The following MAX variants were observed in gnomAD, a reference collection of about 807,000 sequenced individuals.
MAX encodes the protein protein max.
In MAX, 3 loss-of-function variants were observed where a neutral mutation model predicts 22.3. That is an observed-to-expected ratio of 0.13 (90% CI 0.06 to 0.35). The LOEUF is 0.35. MAX is among the 10% of genes least tolerant of loss of function. The pLI, the probability that MAX is intolerant of heterozygous loss-of-function variation, is 1.00. For missense variants in MAX, 119 were observed against 209.4 expected (o/e 0.57, Z 2.66); for synonymous variants, 72 against 77.7 (o/e 0.93, Z 0.39).
Position 65,089,769 on chromosome 14 carries a change from A to T in MAX, c.171+3939T>A, listed in dbSNP as rs1202480834. The T allele has an allele frequency of 3.6e-4, 15 of 41,148 alleles. 1 individual carries two copies. Among genetic ancestry groups the T allele is most frequent in the African/African-American group, 2.2e-3 (15 of 6,738 alleles). 2.5% of individuals were successfully genotyped at this position (41,148 alleles called of 1,614,324 possible). ...GTAGCATCTCTGTAAAAAAAAAAAAAAAAAAAAAAAAAAAAAAAAAAAAAA... is the reference window on the plus strand; with the variant it reads ...GTAGCATCTCTGTAAAAAAAAAAAATAAAAAAAAAAAAAAAAAAAAAAAAA... On this transcript the variant is annotated intron_variant, in intron 3 of 4. Transcript: ENST00000358664.
Position 65,088,406 on chromosome 14 carries a change from T to C in MAX, c.171+5302A>G, listed in dbSNP as rs953050348. On this transcript the variant is annotated intron_variant, in intron 3 of 4. Coordinates refer to ENST00000358664, the MANE Select transcript of MAX (RefSeq NM_002382.5). The surrounding 1 kb of genome is among the most constrained non-coding windows in gnomAD (Gnocchi z 5.2). ...AGCCTAAGGGAGACTTGGGCAACTATGGGCAACAATTTAAGATGTAGAAAC... is the reference window on the plus strand; with the variant it reads ...AGCCTAAGGGAGACTTGGGCAACTACGGGCAACAATTTAAGATGTAGAAAC... Among the ~76,000 whole-genome samples the C allele has an allele frequency of 3.3e-5, 5 of 152,194 alleles. No homozygotes were observed. The highest frequency in any genetic ancestry group is 7.3e-5 in the Non-Finnish European group (5 of 68,028).
chr14:65,058,666 T>C (rs2062795878), intron 3 of MAX, among the ~76,000 whole-genome samples: 1 of 152,242 alleles, frequency 6.6e-6, no homozygotes, highest in Admixed American at 6.5e-5. Flanking sequence ...TTTTTGTTAG[T>C]TTCAGTCATA....
chr14:65,030,436 C>T lies in MAX; in HGVS notation c.172-24152G>A, dbSNP rs1020835467. ...AGTCTGACTTCATGTTATATCTATA[C>T]TGAGTAAGATGGAAACCAGGGCCGA... is the stretch of plus-strand genomic sequence containing the variant. On this transcript the variant is annotated intron_variant, in intron 3 of 3. Transcript: ENST00000341653. This position sits in a 1 kb window ranked among gnomAD's most constrained non-coding sequence, Gnocchi z 4.5. Among the ~76,000 whole-genome samples, 4 of 152,110 alleles carry T rather than the reference C, an allele frequency of 2.6e-5. No individual in the cohort carries two copies. The highest frequency in any genetic ancestry group is 2.0e-4 in the Admixed American group (3 of 15,270).
chr14:65,083,819 G>A (rs1325616522), intron 3 of MAX: 2 of 1,144,076 alleles, frequency 1.7e-6, no homozygotes, highest in East Asian at 4.0e-5. Flanking sequence ...TGAAACCTGT[G>A]TAAGCTTTTA....
At chr14:65,033,134 GT>G (rs1171022848) in intron 3 of MAX, among the ~76,000 whole-genome samples, 1 of 152,150 alleles carries the variant, frequency 6.6e-6, no homozygotes, top group African/African-American at 2.4e-5. Context: ...GGTAAGTGTG[GT>G]ATAGTTGCAT....
chr14:65,046,301 T>C (rs962895152), intron 3 of MAX, among the ~76,000 whole-genome samples: 4 of 152,302 alleles, frequency 2.6e-5, no homozygotes, highest in East Asian at 1.9e-4. Flanking sequence ...AGAAAAAAAC[T>C]TGGGGTCATG....
chr14:65,009,450 G>T lies in MAX; in HGVS notation c.172-3166C>A, dbSNP rs2061651431. 1.3e-5 allele frequency among the ~76,000 whole-genome samples: 2 copies of T among 152,084 alleles called. No individual in the cohort carries two copies. Among genetic ancestry groups the T allele is most frequent in the Admixed American group, 6.6e-5 (1 of 15,258 alleles). On this transcript the variant is annotated intron_variant, in intron 3 of 3. Transcript: ENST00000341653. The surrounding 1 kb of genome is among the most constrained non-coding windows in gnomAD (Gnocchi z 4.2). The stretch of plus-strand genomic sequence containing the variant: ...AGCTCTCCCACCATCTTGACTCCTA[G>T]TTCCTGAGAAAATCGAGGCTGACCC...
At chr14:65,059,830 C>T (rs1595109416) in intron 3 of MAX, among the ~76,000 whole-genome samples, 1 of 129,296 alleles carries the variant, frequency 7.7e-6, no homozygotes, top group Non-Finnish European at 1.5e-5. Context: ...GGTTGTGGTC[C>T]TTTTTTCTTT....
intron 3 of MAX, chr14:65,053,216 C>G: frequency 7.4e-7 from 1 of 1,358,228 alleles, no homozygotes. Flanking sequence ...CGGGCCCTTA[C>G]TGACCCTTTG....
Position 65,075,759 on chromosome 14 carries a change from A to G in MAX, c.*717T>C, listed in dbSNP as rs4902358. On this transcript the variant is annotated 3_prime_UTR_variant, in exon 5 of 5. Transcript: ENST00000358664. This position sits in a 1 kb window ranked among gnomAD's most constrained non-coding sequence, Gnocchi z 4.1. ...TGGTGGCTGCTGCTTCACTGCTGCC[A>G]TCTCCCATACATACCACGAGAGTGT... 353,583 of 1,065,706 alleles carry G rather than the reference A, an allele frequency of 0.33. 60,500 individuals carry two copies. The highest frequency in any genetic ancestry group is 0.35 in the Non-Finnish European group (310,471 of 879,378). The allele number at this position is 1,065,706 out of a possible 1,614,324, so 66.0% of individuals were successfully genotyped here.
intron 3 of MAX, among the ~76,000 whole-genome samples, chr14:65,008,445 G>T (rs1212144836): frequency 6.6e-6 from 1 of 152,236 alleles, no homozygotes; most frequent in Admixed American, 6.5e-5. Flanking sequence ...GCCTGCCCCT[G>T]CTGGGCTCTT....
At chr14:65,018,139 C>CACAGGGGGTGCCTGAGGTGG (rs2139535566) in intron 3 of MAX, among the ~76,000 whole-genome samples, 1 of 152,056 alleles carries the variant, frequency 6.6e-6, no homozygotes, top group Non-Finnish European at 1.5e-5. Context: ...CCCAGGAATT[C>CACAGGGGGTGCCTGAGGTGG]AAGACCAGTC....
rs191553591 is a variant in MAX, at chr14:65,018,180, A to T, written c.172-11896T>A. ...GACATAGTGAGACTCCATTTCAAAA[A>T]TAAAAATAAAAATAGCTGGGCGTGG... On this transcript the variant is annotated intron_variant, in intron 3 of 3. Coordinates refer to the MAX transcript ENST00000341653. Among the ~76,000 whole-genome samples, 913 of 151,888 alleles carry T rather than the reference A, an allele frequency of 6.0e-3. 11 individuals are homozygous for T. Among genetic ancestry groups the T allele is most frequent in the African/African-American group, 0.021 (863 of 41,412 alleles).
intron 3 of MAX, among the ~76,000 whole-genome samples, chr14:65,056,629 G>C (rs564326121): frequency 6.6e-6 from 1 of 152,262 alleles, no homozygotes; most frequent in Admixed American, 6.5e-5. Context: ...TGTCTTCTGC[G>C]AATTGTCTGC....
At chr14:65,094,015 G>A (rs775135120) in intron 2 of MAX, 200 bp from the exon 3 acceptor site, 26 of 625,330 alleles carry the variant, frequency 4.2e-5, no homozygotes, top group East Asian at 8.5e-5. Flanking sequence ...CAACGCTTGC[G>A]ACAGGAACAT....
chr14:65,021,210 A>G (rs1192521353), intron 3 of MAX, among the ~76,000 whole-genome samples: 4 of 152,254 alleles, frequency 2.6e-5, no homozygotes, highest in African/African-American at 7.2e-5. Flanking sequence ...GAAACAGAGC[A>G]AAATAAAATT....
chr14:65,045,968 A>C (rs2062467684), intron 3 of MAX, among the ~76,000 whole-genome samples: 1 of 152,146 alleles, frequency 6.6e-6, no homozygotes, highest in Non-Finnish European at 1.5e-5. Context: ...GGAATTCCCC[A>C]AGTCAAACAT....
At position 65,012,211 on chromosome 14, in the gene MAX, A is replaced by T; in HGVS notation, c.172-5927T>A. On this transcript the variant is annotated intron_variant, in intron 3 of 3. Transcript: ENST00000341653. The surrounding 1 kb of genome is among the most constrained non-coding windows in gnomAD (Gnocchi z 5.0). ...TTATCCAGTCAGTGATTGCAGGGGG[A>T]CGTCCTGAAGCTGAGTGTTTACCCG... 1 of 1,372,438 alleles carries T rather than the reference A, an allele frequency of 7.3e-7. No individual in the cohort carries two copies. Among genetic ancestry groups the T allele is most frequent in the Non-Finnish European group, 1.0e-6 (1 of 980,472 alleles). The allele number at this position is 1,372,438 out of a possible 1,614,324, so 85.0% of individuals were successfully genotyped here.
Position 65,027,837 on chromosome 14 carries a change from A to T in MAX, c.172-21553T>A. On this transcript the variant is annotated intron_variant, in intron 3 of 3. Transcript: ENST00000341653. The surrounding 1 kb of genome is among the most constrained non-coding windows in gnomAD (Gnocchi z 5.7). ...CAGTTGACTCTAGAGCTCATCTGCC[A>T]TTAGAGATGCCAAGCCTAAGGAACA... 2 of 1,607,114 alleles carry T rather than the reference A, an allele frequency of 1.2e-6. No individual in the cohort carries two copies. Among genetic ancestry groups the T allele is most frequent in the Non-Finnish European group, 8.5e-7 (1 of 1,175,178 alleles).
Sources: gnomAD v4.1 joint callset for allele counts (sites outside exome capture counted in the v4.1 genomes callset) on GRCh38, gnomAD v4.1.1 for gene constraint, Gnocchi (gnomAD v3.1) non-coding constraint, MANE v1.5 for transcripts, NCBI Gene and HGNC (gene_info 2026-07-23, HGNC 2026-07-21) for gene names.